PP2D1: variants seen among roughly 807,000 people sequenced by gnomAD.
PP2D1 encodes the protein protein phosphatase 2C like domain containing 1, also known as protein phosphatase 2C-like domain-containing protein 1.
In PP2D1, 25 loss-of-function variants were observed where a neutral mutation model predicts 30.2. The observed-to-expected ratio is 0.83, with a 90% CI of 0.60 to 1.16. PP2D1 has a LOEUF of 1.16. Ranked by LOEUF, PP2D1 falls within the 50% of genes most tolerant of loss-of-function variation. The pLI is 0.00. For synonymous variants in PP2D1, 260 were observed against 258.9 expected, an observed-to-expected ratio of 1.00 and a Z score of -0.04; for missense variants, 760 against 742.4, an observed-to-expected ratio of 1.02 and a Z score of -0.28.
At chr3:20,011,016 A>T (rs1375279666) in intron 1 of PP2D1, among the ~76,000 whole-genome samples, 1 of 152,092 alleles carries the variant, frequency 6.6e-6, no homozygotes, top group Admixed American at 6.6e-5. Flanking sequence ...AAGTCCCATT[A>T]TTGTGCCCAA....
chr3:19,983,660 T>C (rs752586449), downstream of PP2D1: 2 of 1,244,508 alleles, frequency 1.6e-6, no homozygotes, highest in Non-Finnish European at 2.3e-6. Flanking sequence ...GAAACTGATA[T>C]TAATATGAGT....
chr3:19,981,103 G>A (rs34343204), downstream of PP2D1, among the ~76,000 whole-genome samples: 22,057 of 152,104 alleles, frequency 0.15, 1,664 homozygotes, highest in South Asian at 0.21. Flanking sequence ...CTTAAAATCA[G>A]TACTCTTAGT....
chr3:20,001,721 A>T lies in PP2D1; in HGVS notation c.399T>A (p.Asn133Lys), dbSNP rs1697256068. ...FTEKTLQSIN[N>K]AFELLWKKQI... ...GTTTTTTCCAAAGCAGCTCAAAAGC[A>T]TTATTAATGCTCTGTAGGGTTTTTT... is the stretch of plus-strand genomic sequence containing the variant. The change falls in exon 2 of 3, where the codon AAT becomes AAA. Residue 133 changes from asparagine (N) to lysine (K), a missense_variant. Asn to Lys is a moderately conservative substitution (Grantham distance 94, BLOSUM62 0). Transcript: ENST00000389050. 6.5e-7 allele frequency: 1 copy of T among 1,532,854 alleles called. No homozygotes were observed. Among genetic ancestry groups the T allele is most frequent in the African/African-American group, 1.4e-5 (1 of 72,872 alleles). 95.0% of individuals were successfully genotyped at this position (1,532,854 alleles called of 1,614,324 possible). A position where few individuals can be genotyped will look rare whatever the true frequency, so the allele number is the denominator to read the frequency against.
chr3:19,989,484 G>A (rs1464079677), intron 2 of PP2D1, among the ~76,000 whole-genome samples: 3 of 152,178 alleles, frequency 2.0e-5, no homozygotes, highest in Non-Finnish European at 4.4e-5. Flanking sequence ...AGTTCTAAAG[G>A]CTATATGGCC....
At chr3:20,010,096 TA>T (rs1287994753) in intron 1 of PP2D1, among the ~76,000 whole-genome samples, 1 of 152,130 alleles carries the variant, frequency 6.6e-6, no homozygotes, top group Non-Finnish European at 1.5e-5. Flanking sequence ...CACCTTATTT[TA>T]TGTTATTTTA....
chr3:20,001,952 C>G lies in PP2D1; in HGVS notation c.168G>C (p.Gln56His). 4 of 1,536,314 alleles carry G rather than the reference C, an allele frequency of 2.6e-6. No homozygotes were observed. The highest frequency in any genetic ancestry group is 3.5e-6 in the Non-Finnish European group (4 of 1,146,962). ...GTAATGTGGTCCCTTGCTCATAGAC[C>G]TGCTCCTCTTCATGGCGTTTGGTGT... is the stretch of plus-strand genomic sequence containing the variant. ...VRHTKRHEEE[Q>H]VYEQGTTLPC... Residue 56 changes from glutamine (Q) to histidine (H), a missense_variant, in exon 2 of 3, where the codon CAG becomes CAC. Coordinates refer to ENST00000389050, the MANE Select transcript of PP2D1 (RefSeq NM_001252657.2).
At chr3:19,987,233 T>C (rs1697051291) in intron 2 of PP2D1, among the ~76,000 whole-genome samples, 1 of 152,178 alleles carries the variant, frequency 6.6e-6, no homozygotes. Flanking sequence ...CTGAACAGAT[T>C]GCAGGGTGGT....
In PP2D1 at chr3:19,985,877, C is replaced by T. The variant is rs754417260; in HGVS notation, c.1396G>A (p.Val466Ile). 2.1e-4 allele frequency: 322 copies of T among 1,536,312 alleles called. No homozygotes were observed. The highest frequency in any genetic ancestry group is 2.6e-4 in the Non-Finnish European group (297 of 1,146,964). ...GLWEVLDKEE[V>I]TALAMTTFHM... ...AATGTTGTCATTGCCAGGGCAGTAACTTCCTCTTTATCCAAAACTTCCCAA... is the reference window on the plus strand; with the variant it reads ...AATGTTGTCATTGCCAGGGCAGTAATTTCCTCTTTATCCAAAACTTCCCAA... Residue 466 changes from valine (V) to isoleucine (I), a missense_variant, in exon 3 of 3, where the codon GTT (valine) becomes ATT (isoleucine). Val to Ile is a conservative substitution (Grantham distance 29). Coordinates refer to ENST00000389050, the MANE Select transcript of PP2D1 (RefSeq NM_001252657.2).
chr3:19,985,887 A>C lies in PP2D1; in HGVS notation c.1386T>G (p.Asp462Glu), dbSNP rs945107843. 3 of 1,536,360 alleles carry C rather than the reference A, an allele frequency of 2.0e-6. No individual in the cohort carries two copies. The African/African-American group carries it at 4.1e-5, about 21-fold the overall frequency. ...TTGCCAGGGCAGTAACTTCCTCTTT[A>C]TCCAAAACTTCCCAAAGTCCATTAG... ...VATNGLWEVL[D>E]KEEVTALAMT... Residue 462 changes from aspartate to glutamate, a missense_variant, in exon 3 of 3, where the codon GAT becomes GAG. Around this residue, in one of 3 missense-constraint regions of PP2D1, gnomAD observed 369 missense variants for 316.2 expected, o/e 1.17. Coordinates refer to ENST00000389050, the MANE Select transcript of PP2D1 (RefSeq NM_001252657.2).
At chr3:19,994,377 A>G (rs1367434031) in intron 2 of PP2D1, among the ~76,000 whole-genome samples, 1 of 152,238 alleles carries the variant, frequency 6.6e-6, no homozygotes, top group African/African-American at 2.4e-5. Context: ...TCATCAAAGC[A>G]TCAGAGCACT....
chr3:20,001,816 G>T lies in PP2D1; in HGVS notation c.304C>A (p.Gln102Lys), dbSNP rs1408247973. The change falls in exon 2 of 3, where the codon CAG (glutamine) becomes AAG (lysine). Residue 102 changes from glutamine to lysine, a missense_variant. Transcript: ENST00000389050. Reference protein sequence around the residue: ...GFQWMGRKKPQPSVIAVQRQF... With the variant: ...GFQWMGRKKPKPSVIAVQRQF... Reference sequence around the variant, plus strand: ...CTCTGAACAGCAATCACTGAGGGCTGTGGTTTCTTTCTACCCATCCATTGG... The same window carrying T: ...CTCTGAACAGCAATCACTGAGGGCTTTGGTTTCTTTCTACCCATCCATTGG... 4 of 1,535,380 alleles carry T rather than the reference G, an allele frequency of 2.6e-6. No individual in the cohort carries two copies. The highest frequency in any genetic ancestry group is 3.5e-6 in the Non-Finnish European group (4 of 1,146,698).
At chr3:19,999,625 G>A (rs936835363) in intron 2 of PP2D1, among the ~76,000 whole-genome samples, 1 of 151,794 alleles carries the variant, frequency 6.6e-6, no homozygotes, top group Non-Finnish European at 1.5e-5. Context: ...CTGACCTGAG[G>A]TGATCCACCC....
Position 19,985,929 on chromosome 3 carries a change from T to C in PP2D1, c.1344A>G (p.Gln448=). 1 of 1,536,406 alleles carries C rather than the reference T, an allele frequency of 6.5e-7. No individual in the cohort carries two copies. The change falls in exon 3 of 3, where the codon CAA becomes CAG. Residue 448 remains glutamine, a synonymous_variant. Transcript: ENST00000389050. ...GTCCATTAGTAGCTACAATAAGGAA[T>C]TGACATAGGTCATCTATAGGGACAG... is the stretch of plus-strand genomic sequence containing the variant. ...TISVPIDDLC[Q]FLIVATNGLW...
At chr3:19,985,228 A>C (rs1279136128), downstream of PP2D1, 1 of 623,262 alleles carries the variant, frequency 1.6e-6, no homozygotes, top group Non-Finnish European at 2.7e-6. Flanking sequence ...GAATATATAT[A>C]AATGATACTA....
At chr3:19,998,849 T>C (rs79336653) in intron 2 of PP2D1, among the ~76,000 whole-genome samples, 1,799 of 152,304 alleles carry the variant, frequency 0.012, 84 homozygotes, top group Admixed American at 0.084. Flanking sequence ...GTAAAATTAT[T>C]TTCTTATGGC....
downstream of PP2D1, chr3:19,984,681 G>C (rs1447444767): frequency 6.5e-6 from 1 of 154,732 alleles, no homozygotes; most frequent in Non-Finnish European, 1.4e-5. Flanking sequence ...ATTCAAACTT[G>C]ATTATTTTAA....
intron 2 of PP2D1, among the ~76,000 whole-genome samples, chr3:19,987,377 ATTG>A (rs1302108947): frequency 6.6e-6 from 1 of 152,120 alleles, no homozygotes; most frequent in Admixed American, 6.6e-5. Flanking sequence ...ATAATTACAT[ATTG>A]TTTTTCTTGA....
chr3:19,988,613 C>A (rs1353786473), intron 2 of PP2D1, among the ~76,000 whole-genome samples: 1 of 152,114 alleles, frequency 6.6e-6, no homozygotes, highest in Non-Finnish European at 1.5e-5. Context: ...GTGACCCACA[C>A]CTTATTCGTA....
At chr3:19,981,528 T>G (rs1241574955), downstream of PP2D1, among the ~76,000 whole-genome samples, 1 of 151,812 alleles carries the variant, frequency 6.6e-6, no homozygotes, top group African/African-American at 2.4e-5. Flanking sequence ...GCAGGGGAAT[T>G]GCTTGAACCC....
Sources: gnomAD v4.1 joint callset for allele counts (sites outside exome capture counted in the v4.1 genomes callset) on GRCh38, gnomAD v4.1.1 for gene constraint, gnomAD v4.1.1 regional missense constraint, MANE v1.5 for transcripts, NCBI Gene and HGNC (gene_info 2026-07-23, HGNC 2026-07-21) for gene names.